Variants in RBFOX1 observed in about 807,000 individuals in gnomAD.
RBFOX1 encodes the protein RNA binding fox-1 homolog 1, also known as RNA binding protein fox-1 homolog 1.
Under a neutral mutation model 57.7 loss-of-function variants are expected in RBFOX1, and 8 were observed. The observed-to-expected ratio is 0.14, with a 90% CI of 0.08 to 0.25. RBFOX1 has a LOEUF of 0.25. RBFOX1 is among the 10% of genes least tolerant of loss of function. RBFOX1 has a pLI of 1.00. For missense variants in RBFOX1, 611 were observed against 548.5 expected, an observed-to-expected ratio of 1.11 and a Z score of -1.14; for synonymous variants, 326 against 222.4, an observed-to-expected ratio of 1.47 and a Z score of -4.15.
At chr16:5,632,223 G>C (rs1282498660) in intron 3 of RBFOX1, among the ~76,000 whole-genome samples, 4 of 152,160 alleles carry the variant, frequency 2.6e-5, no homozygotes, top group African/African-American at 9.7e-5. Context: ...TATTAGAGAC[G>C]ATGTCATGAG....
At chr16:5,827,776 G>GT (rs1156721393) in intron 3 of RBFOX1, among the ~76,000 whole-genome samples, 1 of 152,042 alleles carries the variant, frequency 6.6e-6, no homozygotes, top group African/African-American at 2.4e-5. Flanking sequence ...TGTCTCTACA[G>GT]TTTTTTTCTC....
chr16:6,508,370 C>G (rs28394084), intron 2 of RBFOX1, among the ~76,000 whole-genome samples: 13,756 of 152,070 alleles, frequency 0.09, 719 homozygotes, highest in Middle Eastern at 0.13. Context: ...AAACTTAAAA[C>G]AAAAATATAA....
chr16:5,803,654 A>T (rs1012592449), intron 3 of RBFOX1, among the ~76,000 whole-genome samples: 1 of 152,190 alleles, frequency 6.6e-6, no homozygotes, highest in Admixed American at 6.5e-5. Context: ...AAGTGCTAGA[A>T]TTCTACAAAG....
intron 3 of RBFOX1, among the ~76,000 whole-genome samples, chr16:6,843,202 T>G (rs2093582984): frequency 6.6e-6 from 1 of 152,154 alleles, no homozygotes; most frequent in South Asian, 2.1e-4. Flanking sequence ...TCTCTTGGGT[T>G]TAAAGAATGG....
chr16:6,887,441 C>G (rs1293462984), intron 3 of RBFOX1, among the ~76,000 whole-genome samples: 1 of 152,160 alleles, frequency 6.6e-6, no homozygotes, highest in Non-Finnish European at 1.5e-5. Context: ...TCCATGAAAA[C>G]TAATGATCAT....
intron 1 of RBFOX1, among the ~76,000 whole-genome samples, chr16:5,287,221 T>C (rs372546819): frequency 6.6e-6 from 1 of 152,136 alleles, no homozygotes; most frequent in South Asian, 2.1e-4. Flanking sequence ...GGAAGATCAC[T>C]TGAGCCCAGG....
intron 4 of RBFOX1, among the ~76,000 whole-genome samples, chr16:7,303,818 C>A (rs1182981492): frequency 6.6e-6 from 1 of 151,306 alleles, no homozygotes; most frequent in Non-Finnish European, 1.5e-5. Context: ...CTCTCCCTCT[C>A]TACCTCCGTC....
At chr16:5,386,401 G>A (rs1416006163) in intron 1 of RBFOX1, among the ~76,000 whole-genome samples, 2 of 152,032 alleles carry the variant, frequency 1.3e-5, no homozygotes, top group East Asian at 1.9e-4. Context: ...AATGCACGTG[G>A]CCCATCCTCA....
intron 3 of RBFOX1, among the ~76,000 whole-genome samples, chr16:6,897,560 A>C (rs929844061): frequency 1.3e-5 from 2 of 152,316 alleles, no homozygotes; most frequent in South Asian, 4.1e-4. Context: ...TTGGGAGTCC[A>C]AGGCGGGCGG....
intron 4 of RBFOX1, among the ~76,000 whole-genome samples, chr16:7,377,893 C>T (rs1300156242): frequency 6.6e-6 from 1 of 152,102 alleles, no homozygotes. Context: ...TTGATGCTCC[C>T]ATAGTTTGGA....
intron 4 of RBFOX1, among the ~76,000 whole-genome samples, chr16:7,255,331 C>T (rs1050519608): frequency 9.9e-5 from 15 of 152,020 alleles, no homozygotes; most frequent in African/African-American, 2.9e-4. Context: ...AAAAAGATTT[C>T]GTTAAAAGGA....
intron 14 of RBFOX1, among the ~76,000 whole-genome samples, chr16:7,681,450 CCTGT>C (rs1354439647): frequency 2.0e-5 from 3 of 152,132 alleles, no homozygotes; most frequent in East Asian, 1.9e-4. Context: ...CAGGCTACTT[CCTGT>C]CTATTTTAGA....
intron 4 of RBFOX1, among the ~76,000 whole-genome samples, chr16:5,950,690 C>G (rs1480495146): frequency 6.6e-6 from 1 of 152,238 alleles, no homozygotes; most frequent in Admixed American, 6.5e-5. Context: ...ATCTATGTCT[C>G]TTCCCAGTCC....
chr16:7,031,647 G>A (rs2042826040), intron 3 of RBFOX1, among the ~76,000 whole-genome samples: 1 of 151,974 alleles, frequency 6.6e-6, no homozygotes, highest in Non-Finnish European at 1.5e-5. Flanking sequence ...AACGACATCG[G>A]GCAGATGTGA....
At position 6,921,596 on chromosome 16, in the gene RBFOX1, G is replaced by T. The variant is rs1048588348; in HGVS notation, c.-15-130461G>T. On this transcript the variant is annotated intron_variant, in intron 3 of 15. Coordinates refer to ENST00000550418, the MANE Select transcript of RBFOX1 (RefSeq NM_018723.4). Reference sequence around the variant, plus strand: ...CTTGCTTCTTCAAGCAGTGGAGAAAGAATAATTTATGTATATACATAAATT... The same window carrying T: ...CTTGCTTCTTCAAGCAGTGGAGAAATAATAATTTATGTATATACATAAATT... Among the ~76,000 whole-genome samples the T allele has an allele frequency of 2.0e-5, 3 of 150,376 alleles. No homozygotes were observed. The East Asian group carries it at 5.9e-4, about 29-fold the overall frequency.
intron 1 of RBFOX1, among the ~76,000 whole-genome samples, chr16:6,216,617 A>G (rs915995891): frequency 6.6e-6 from 1 of 152,152 alleles, no homozygotes; most frequent in Admixed American, 6.5e-5. Flanking sequence ...TGGTAACTCA[A>G]TCCTGAAATG....
At chr16:7,709,594 C>T (rs930453164) in intron 15 of RBFOX1, 5 of 1,531,268 alleles carry the variant, frequency 3.3e-6, no homozygotes, top group South Asian at 2.4e-5. Context: ...CTCTCCTCCC[C>T]TATTACAATT....
chr16:5,239,974 C>T (rs2062122349), exon 1 of RBFOX1: 3 of 1,529,434 alleles, frequency 2.0e-6, no homozygotes, highest in Non-Finnish European at 2.6e-6. Flanking sequence ...CGACGTCCCT[C>T]CCGAAGAGAA....
At chr16:6,773,337 A>T (rs1171700538) in intron 3 of RBFOX1, among the ~76,000 whole-genome samples, 4 of 91,836 alleles carry the variant, frequency 4.4e-5, no homozygotes, top group African/African-American at 1.8e-4. Context: ...ATTTCTGTGC[A>T]TGTGTATGTG....
Sources: gnomAD v4.1 joint callset for allele counts (sites outside exome capture counted in the v4.1 genomes callset) on GRCh38, gnomAD v4.1.1 for gene constraint, MANE v1.5 for transcripts, NCBI Gene and HGNC (gene_info 2026-07-23, HGNC 2026-07-21) for gene names.